Variants in ACER2 observed in about 807,000 individuals in gnomAD.
ACER2 encodes alkCDase 2.
ACER2 carries 26 observed loss-of-function variants against 34.7 expected under a neutral mutation model. The ratio of observed to expected loss-of-function variants is 0.75; its 90% CI spans 0.55 to 1.04. The LOEUF (loss-of-function observed/expected upper bound fraction) is 1.04, where lower values mean the gene tolerates loss of function less well. ACER2 is among the 50% of genes least tolerant of loss of function. The pLI is 0.00. For missense variants in ACER2, 352 were observed against 340.8 expected (o/e 1.03, Z -0.26); for synonymous variants, 138 against 132.1 (o/e 1.04, Z -0.31).
Position 19,426,869 on chromosome 9 carries a change from G to A in ACER2, c.365+2028G>A, listed in dbSNP as rs189491714. Among the ~76,000 whole-genome samples, 510 of 152,096 alleles carry A rather than the reference G, an allele frequency of 3.4e-3. 2 individuals are homozygous for A. Among genetic ancestry groups the A allele is most frequent in the African/African-American group, 0.012 (487 of 41,476 alleles). On this transcript the variant is annotated intron_variant, in intron 3 of 5. Transcript: ENST00000340967. ...TTGAGCCCAGCGTGGGCAACACAGTGAAACCCCATTAAAAAAATAGAAAAA... is the reference window on the plus strand; with the variant it reads ...TTGAGCCCAGCGTGGGCAACACAGTAAAACCCCATTAAAAAAATAGAAAAA...
intron 4 of ACER2, among the ~76,000 whole-genome samples, chr9:19,440,241 C>T (rs1352752431): frequency 5.9e-5 from 9 of 152,184 alleles, no homozygotes; most frequent in African/African-American, 2.2e-4. Flanking sequence ...CTCGGCAGCT[C>T]CTTTTCAGTC....
intron 1 of ACER2, among the ~76,000 whole-genome samples, 172 bp downstream of exon 1, chr9:19,409,364 G>A (rs1830016659): frequency 6.6e-6 from 1 of 152,174 alleles, no homozygotes; most frequent in African/African-American, 2.4e-5. Flanking sequence ...TTCTCCATCT[G>A]TCCTCCTCTC....
At chr9:19,434,867 C>G in intron 3 of ACER2, 80 bp from the exon 4 acceptor site, 2 of 1,564,018 alleles carry the variant, frequency 1.3e-6, no homozygotes, top group Non-Finnish European at 8.7e-7. Flanking sequence ...CTGGCAATGC[C>G]TGTACCTTGC....
chr9:19,423,906 C>T lies in ACER2; in HGVS notation c.153C>T (p.Cys51=), dbSNP rs772874703. Residue 51 remains cysteine, a synonymous_variant, in exon 2 of 6, where the codon TGC becomes TGT. Transcript: ENST00000340967. ...TCATTTTACCGCCCATCTGCATGTG[C>T]TTGTTTCGTCAGTATGCAACATGCT... is the stretch of plus-strand genomic sequence containing the variant. ...LFFILPPICM[C]LFRQYATCFN... is the part of the protein sequence containing the mutation. 1.9e-6 allele frequency: 3 copies of T among 1,614,128 alleles called. No homozygotes were observed. Among genetic ancestry groups the T allele is most frequent in the Admixed American group, 3.3e-5 (2 of 60,018 alleles).
intron 2 of ACER2, 100 bp downstream of exon 2, chr9:19,424,076 TA>T: frequency 9.0e-7 from 1 of 1,106,922 alleles, no homozygotes; most frequent in Non-Finnish European, 1.4e-6. Context: ...TAATGTTTTG[TA>T]AACTGAAGTC....
At chr9:19,435,743 C>T (rs945873213) in intron 4 of ACER2, among the ~76,000 whole-genome samples, 3 of 151,440 alleles carry the variant, frequency 2.0e-5, no homozygotes, top group Non-Finnish European at 4.4e-5. Flanking sequence ...CAGAGTGAGA[C>T]TTGTCTCAAA....
chr9:19,409,287 G>T (rs559426338), intron 1 of ACER2, 95 bp downstream of exon 1: 10 of 1,184,582 alleles, frequency 8.4e-6, no homozygotes, highest in Non-Finnish European at 1.2e-5. Context: ...GTCTCTGCGC[G>T]CATCTGGGGG....
chr9:19,409,152 A>G lies in ACER2; in HGVS notation c.68A>G (p.Asn23Ser), dbSNP rs764542576. Residue 23 changes from asparagine (N) to serine (S), a missense_variant, in exon 1 of 6, where the codon AAC (asparagine) becomes AGC (serine). Asn to Ser is a conservative substitution (Grantham distance 46, BLOSUM62 1). Coordinates refer to ENST00000340967, the MANE Select transcript of ACER2 (RefSeq NM_001010887.3). ...TCGGAGGTGGACTGGTGCGAGGACA[A>G]CTACACCATCGTGCCTGCTATCGCC... is the stretch of plus-strand genomic sequence containing the variant. Reference protein sequence around the residue: ...GSSEVDWCEDNYTIVPAIAEF... With the variant: ...GSSEVDWCEDSYTIVPAIAEF... The G allele has an allele frequency of 5.0e-6, 8 of 1,606,844 alleles. No individual in the cohort carries two copies. The highest frequency in any genetic ancestry group is 1.3e-5 in the African/African-American group (1 of 74,828).
At chr9:19,443,788 C>T (rs1831239280) in intron 4 of ACER2, among the ~76,000 whole-genome samples, 1 of 151,964 alleles carries the variant, frequency 6.6e-6, no homozygotes, top group Admixed American at 6.6e-5. Context: ...TCCCAAGTAG[C>T]TGGGATTACA....
chr9:19,437,817 C>G (rs889349326), intron 4 of ACER2, among the ~76,000 whole-genome samples: 1 of 152,216 alleles, frequency 6.6e-6, no homozygotes, highest in Non-Finnish European at 1.5e-5. Context: ...TTCTTATCCC[C>G]TCAACCAGAT....
intron 5 of ACER2, among the ~76,000 whole-genome samples, chr9:19,448,004 C>G (rs1458927659): frequency 9.1e-6 from 1 of 109,898 alleles, no homozygotes; most frequent in Non-Finnish European, 1.8e-5. Flanking sequence ...ACGATGCAAA[C>G]TTTTTTTTTT....
At chr9:19,413,717 C>T (rs1830157758) in intron 1 of ACER2, among the ~76,000 whole-genome samples, 2 of 152,114 alleles carry the variant, frequency 1.3e-5, no homozygotes, top group Non-Finnish European at 2.9e-5. Context: ...CTCTGTTGCT[C>T]AGCAGGGACT....
chr9:19,441,284 C>T (rs1228525336), intron 4 of ACER2, among the ~76,000 whole-genome samples: 2 of 152,158 alleles, frequency 1.3e-5, no homozygotes, highest in Admixed American at 6.5e-5. Flanking sequence ...CTGCTGACCT[C>T]ATGATCTGCC....
chr9:19,450,080 T>C (rs1198953208), intron 5 of ACER2: 1 of 485,868 alleles, frequency 2.1e-6, no homozygotes, highest in East Asian at 1.5e-4. Flanking sequence ...CTGTAACCAG[T>C]TGTTAAAGTG....
intron 5 of ACER2, among the ~76,000 whole-genome samples, chr9:19,447,657 A>AT (rs1831413288): frequency 6.6e-6 from 1 of 152,206 alleles, no homozygotes. Flanking sequence ...CAAGATGGTC[A>AT]TTTTTATCTA....
chr9:19,427,642 TTTCTC>T lies in ACER2; in HGVS notation c.365+2824_365+2828del, dbSNP rs139788386. On this transcript the variant is annotated intron_variant, in intron 3 of 5. Transcript: ENST00000340967. ...TTCCCTCCCTCCCCCCCTCCTTTCT[TTTCTC>T]TTCTCTTCTCTTCTCTTCTCTTTTC... Among the ~76,000 whole-genome samples, 1,205 of 136,784 alleles carry T rather than the reference TTTCTC, an allele frequency of 8.8e-3. 11 individuals carry two copies. The highest frequency in any genetic ancestry group is 0.023 in the African/African-American group (805 of 35,376). The allele number at this position is 136,784 out of a possible 152,430, so 89.7% of individuals were successfully genotyped here.
At chr9:19,444,261 G>A (rs1831267236) in intron 4 of ACER2, among the ~76,000 whole-genome samples, 1 of 150,334 alleles carries the variant, frequency 6.7e-6, no homozygotes, top group African/African-American at 2.4e-5. Context: ...CCCTGGGCTG[G>A]AGTGCAGTGG....
At chr9:19,425,315 G>T (rs1015655630) in intron 3 of ACER2, among the ~76,000 whole-genome samples, 2 of 152,124 alleles carry the variant, frequency 1.3e-5, no homozygotes, top group African/African-American at 4.8e-5. Flanking sequence ...TGAGAGCTGT[G>T]CACCTGCGTG....
intron 1 of ACER2, among the ~76,000 whole-genome samples, chr9:19,410,386 C>T (rs1028852436): frequency 1.3e-5 from 2 of 152,152 alleles, no homozygotes; most frequent in Non-Finnish European, 2.9e-5. Context: ...AACACTCCTG[C>T]TCCTTTTTTT....
Sources: gnomAD v4.1 joint callset for allele counts (sites outside exome capture counted in the v4.1 genomes callset) on GRCh38, gnomAD v4.1.1 for gene constraint, MANE v1.5 for transcripts, NCBI Gene and HGNC (gene_info 2026-07-23, HGNC 2026-07-21) for gene names.